Variants in MRPL18 observed in about 807,000 individuals in gnomAD.
MRPL18 encodes large ribosomal subunit protein uL18m.
Under a neutral mutation model 20.9 loss-of-function variants are expected in MRPL18, and 16 were observed. The observed-to-expected ratio is 0.76, with a 90% CI of 0.52 to 1.16. The LOEUF is 1.16. Ranked by LOEUF, MRPL18 falls within the 50% of genes most tolerant of loss-of-function variation. The pLI, the probability that MRPL18 is intolerant of heterozygous loss-of-function variation, is 0.00. For missense variants in MRPL18, 233 were observed against 230.6 expected (o/e 1.01, Z -0.07); for synonymous variants, 91 against 87.1 (o/e 1.04, Z -0.25).
At chr6:159,791,188 C>G (rs771069226) in intron 2 of MRPL18, 62 bp downstream of exon 2, 121 of 1,569,560 alleles carry the variant, frequency 7.7e-5, no homozygotes, top group Middle Eastern at 6.7e-4. Context: ...TTCATTCATT[C>G]AACTCCAGGC....
intron 1 of MRPL18, 93 bp from the exon 2 acceptor site, chr6:159,790,847 T>G: frequency 6.7e-7 from 1 of 1,502,948 alleles, no homozygotes; most frequent in Non-Finnish European, 9.0e-7. Context: ...GCCTAAAGAT[T>G]GGGGGTGTAA....
chr6:159,790,885 T>G, intron 1 of MRPL18, 55 bp from the exon 2 acceptor site: 1 of 1,597,166 alleles, frequency 6.3e-7, no homozygotes, highest in Non-Finnish European at 8.5e-7. Flanking sequence ...AGCGGGTTCG[T>G]GCGCTGTCCA....
chr6:159,793,487 C>T (rs1246566874), intron 2 of MRPL18, among the ~76,000 whole-genome samples: 12 of 152,180 alleles, frequency 7.9e-5, no homozygotes, highest in Non-Finnish European at 1.8e-4. Context: ...GTTTACGCAT[C>T]ACCTGGCTGT....
intron 2 of MRPL18, among the ~76,000 whole-genome samples, chr6:159,793,577 C>A (rs1031037891): frequency 2.0e-5 from 3 of 152,148 alleles, no homozygotes; most frequent in African/African-American, 7.2e-5. Context: ...TACTATCTGG[C>A]ACTTTGTGGA....
chr6:159,796,353 G>T (rs892622652), intron 2 of MRPL18, among the ~76,000 whole-genome samples: 3 of 150,296 alleles, frequency 2.0e-5, no homozygotes, highest in East Asian at 2.0e-4. Context: ...AGTGGCATGC[G>T]CCTGTAGTCC....
At chr6:159,795,143 G>C (rs1780997661) in intron 2 of MRPL18, among the ~76,000 whole-genome samples, 1 of 152,246 alleles carries the variant, frequency 6.6e-6, no homozygotes, top group African/African-American at 2.4e-5. Context: ...TAACTCAGTA[G>C]ATGGAACGTA....
chr6:159,794,927 C>G (rs1305985397), intron 2 of MRPL18, among the ~76,000 whole-genome samples: 1 of 152,216 alleles, frequency 6.6e-6, no homozygotes, highest in East Asian at 1.9e-4. Context: ...GGGTGTTTCT[C>G]TGAGAGGGGG....
At chr6:159,798,004 G>A (rs1039209596) in intron 3 of MRPL18, 48 bp from the exon 4 acceptor site, 4 of 1,484,270 alleles carry the variant, frequency 2.7e-6, no homozygotes, top group East Asian at 4.5e-5. Context: ...CAGCCTACTC[G>A]TGCTGCTGAC....
chr6:159,797,330 G>C lies in MRPL18; in HGVS notation c.283G>C (p.Glu95Gln), dbSNP rs1050160341. 9 of 1,614,044 alleles carry C rather than the reference G, an allele frequency of 5.6e-6. No individual in the cohort carries two copies. In the African/African-American group the frequency reaches 1.1e-4, roughly 19 times the overall value. ...RTQHHVEALV[E>Q]HQNGKVVVSA... ...TCAGCATCATGTAGAAGCACTTGTG[G>C]AGCATCAGAATGGCAAGGTTGTGGT... The change falls in exon 3 of 4, where the codon GAG (glutamate) becomes CAG (glutamine). Residue 95 changes from glutamate to glutamine, a missense_variant. Glu to Gln is a conservative substitution (Grantham distance 29). Coordinates refer to ENST00000367034, the MANE Select transcript of MRPL18 (RefSeq NM_014161.5).
chr6:159,792,742 ATC>A (rs374548687), intron 2 of MRPL18, among the ~76,000 whole-genome samples: 2 of 152,262 alleles, frequency 1.3e-5, no homozygotes, highest in African/African-American at 4.8e-5. Context: ...GGCTCCAGCA[ATC>A]TTCCCACCTC....
intron 2 of MRPL18, among the ~76,000 whole-genome samples, chr6:159,792,997 T>TC (rs1491138724): frequency 6.7e-6 from 1 of 149,848 alleles, no homozygotes; most frequent in Non-Finnish European, 1.5e-5. Context: ...TTTTTTTTTT[T>TC]CTGGTATTTT....
chr6:159,793,441 C>T (rs574040529), intron 2 of MRPL18, among the ~76,000 whole-genome samples: 7 of 152,104 alleles, frequency 4.6e-5, no homozygotes, highest in Non-Finnish European at 1.0e-4. Context: ...TTTCGTTGCC[C>T]AGGTTCTTAG....
At position 159,797,489 on chromosome 6, in the gene MRPL18, C is replaced by T. The variant is rs142227430; in HGVS notation, c.442C>T (p.Pro148Ser). 3.8e-4 allele frequency: 608 copies of T among 1,614,194 alleles called. No individual in the cohort carries two copies. In the African/African-American group the frequency reaches 7.4e-3, roughly 20 times the overall value. The change falls in exon 3 of 4, where the codon CCA becomes TCA. Residue 148 changes from proline to serine, a missense_variant. Pro to Ser is a moderately conservative substitution (Grantham distance 74). Transcript: ENST00000367034. ...EAGINFMVYQPTPWEAASDSM... is the reference protein window; with the variant it reads ...EAGINFMVYQSTPWEAASDSM... ...GGGAATCAACTTCATGGTCTACCAACCAACCCCGTGGGAGGCAGCCTCAGA... is the reference window on the plus strand; with the variant it reads ...GGGAATCAACTTCATGGTCTACCAATCAACCCCGTGGGAGGCAGCCTCAGA...
rs768298121 is a variant in MRPL18, at chr6:159,791,038, C to T, written c.151C>T (p.Arg51Trp). ...NEAVAPEFTNRNPRNLELLSV... is the reference protein window; with the variant it reads ...NEAVAPEFTNWNPRNLELLSV... ...AGCTGTCGCCCCAGAATTCACCAAC[C>T]GGAACCCCCGGAACCTGGAGCTTTT... Residue 51 changes from arginine (R) to tryptophan (W), a missense_variant, in exon 2 of 4, where the codon CGG becomes TGG. Coordinates refer to ENST00000367034, the MANE Select transcript of MRPL18 (RefSeq NM_014161.5). 8.7e-6 allele frequency: 14 copies of T among 1,614,070 alleles called. No individual in the cohort carries two copies. Among genetic ancestry groups the T allele is most frequent in the African/African-American group, 8.0e-5 (6 of 74,936 alleles).
chr6:159,790,373 T>C, upstream of MRPL18: 1 of 644,646 alleles, frequency 1.6e-6, no homozygotes. Flanking sequence ...CCCCTCGACG[T>C]GAGCGATGAT....
At chr6:159,794,614 C>T (rs748708003) in intron 2 of MRPL18, among the ~76,000 whole-genome samples, 23 of 152,304 alleles carry the variant, frequency 1.5e-4, no homozygotes, top group Non-Finnish European at 2.5e-4. Context: ...TACAGTGTTG[C>T]ATCGAATTGT....
chr6:159,796,479 C>CAAA (rs1017181744), intron 2 of MRPL18, among the ~76,000 whole-genome samples: 2 of 120,172 alleles, frequency 1.7e-5, no homozygotes, highest in Non-Finnish European at 1.8e-5. Flanking sequence ...GACCCTGTCT[C>CAAA]AAAAAAAAAA....
Position 159,797,331 on chromosome 6 carries a change from A to C in MRPL18, c.284A>C (p.Glu95Ala). The change falls in exon 3 of 4, where the codon GAG becomes GCG. Residue 95 changes from glutamate to alanine, a missense_variant. Transcript: ENST00000367034. The part of the protein sequence containing the change: ...RTQHHVEALV[E>A]HQNGKVVVSA... The stretch of plus-strand genomic sequence containing the variant: ...CAGCATCATGTAGAAGCACTTGTGG[A>C]GCATCAGAATGGCAAGGTTGTGGTT... The C allele has an allele frequency of 6.2e-7, 1 of 1,614,184 alleles. No homozygotes were observed. Among genetic ancestry groups the C allele is most frequent in the Non-Finnish European group, 8.5e-7 (1 of 1,180,046 alleles).
chr6:159,791,022 C>T lies in MRPL18; in HGVS notation c.135C>T (p.Ala45=), dbSNP rs778449988. The T allele has an allele frequency of 2.0e-5, 32 of 1,614,074 alleles. 1 individual carries two copies. The highest frequency in any genetic ancestry group is 1.3e-4 in the Admixed American group (8 of 60,008). The part of the protein sequence containing the change: ...EVDPVENEAV[A]PEFTNRNPRN... ...ACCCTGTGGAAAATGAAGCTGTCGC[C>T]CCAGAATTCACCAACCGGAACCCCC... The change falls in exon 2 of 4, where the codon GCC becomes GCT. Residue 45 remains alanine (A), a synonymous_variant. Coordinates refer to ENST00000367034, the MANE Select transcript of MRPL18 (RefSeq NM_014161.5).
Sources: allele counts gnomAD v4.1 joint callset (sites outside exome capture counted in the v4.1 genomes callset), GRCh38; gene constraint gnomAD v4.1.1; transcripts MANE v1.5; gene names NCBI Gene and HGNC (gene_info 2026-07-23, HGNC 2026-07-21).